PTPRD: variants seen among roughly 807,000 people sequenced by gnomAD.
PTPRD encodes receptor-type tyrosine-protein phosphatase delta.
Under a neutral mutation model 214.5 loss-of-function variants are expected in PTPRD, and 34 were observed. The ratio of observed to expected loss-of-function variants is 0.16; its 90% CI spans 0.12 to 0.21. The LOEUF (loss-of-function observed/expected upper bound fraction) is 0.21. Among genes scored for constraint, PTPRD ranks in the 10% least tolerant of loss-of-function variants. PTPRD has a pLI of 1.00. For missense variants in PTPRD, 2,545 were observed against 2,398.7 expected (o/e 1.06, Z -1.27); for synonymous variants, 1,128 against 845.7 (o/e 1.33, Z -5.79).
chr9:8,338,048 AG>A (rs1848687398), intron 43 of PTPRD, among the ~76,000 whole-genome samples: 1 of 152,088 alleles, frequency 6.6e-6, no homozygotes, highest in African/African-American at 2.4e-5. Flanking sequence ...GTCAACAGCC[AG>A]GGCCAGGCTT....
In PTPRD at chr9:8,417,497, T is replaced by A. The variant is rs2094027384; in HGVS notation, c.4087-12837A>T. ...CTACACTAACAGTTTTAATGACTATTCTAATGGTTTAATGGATAGCACTTT... is the reference window on the plus strand; with the variant it reads ...CTACACTAACAGTTTTAATGACTATACTAATGGTTTAATGGATAGCACTTT... On this transcript the variant is annotated intron_variant, in intron 35 of 45. Transcript: ENST00000381196. 2.6e-5 allele frequency among the ~76,000 whole-genome samples: 4 copies of A among 152,212 alleles called. No homozygotes were observed. In the South Asian group the frequency reaches 8.3e-4, roughly 32 times the overall value.
chr9:8,353,964 GTTTT>G (rs35377231), intron 39 of PTPRD, among the ~76,000 whole-genome samples: 1 of 28,244 alleles, frequency 3.5e-5, no homozygotes, highest in Non-Finnish European at 1.1e-4. Context: ...ATATATATAT[GTTTT>G]TTTTTTTTTG....
At chr9:9,583,290 T>G (rs182624763) in intron 7 of PTPRD, among the ~76,000 whole-genome samples, 1 of 152,166 alleles carries the variant, frequency 6.6e-6, no homozygotes, top group East Asian at 1.9e-4. Flanking sequence ...TGAAAATTTA[T>G]ACATCCTTAT....
intron 3 of PTPRD, among the ~76,000 whole-genome samples, chr9:10,103,251 C>T (rs1472927123): frequency 6.6e-6 from 1 of 150,978 alleles, no homozygotes; most frequent in African/African-American, 2.4e-5. Context: ...TTAAGTAAAT[C>T]TGGAGTTCCC....
intron 5 of PTPRD, among the ~76,000 whole-genome samples, chr9:9,770,196 A>T (rs2098740888): frequency 6.6e-6 from 1 of 152,200 alleles, no homozygotes; most frequent in Admixed American, 6.5e-5. Context: ...TGTCTTCCAC[A>T]ATGGTTGAAC....
At chr9:9,880,832 G>C (rs2068442163) in intron 5 of PTPRD, among the ~76,000 whole-genome samples, 2 of 152,080 alleles carry the variant, frequency 1.3e-5, no homozygotes, top group Non-Finnish European at 2.9e-5. Context: ...ATGCTGCTTT[G>C]ACCTTTGCTG....
intron 11 of PTPRD, among the ~76,000 whole-genome samples, chr9:8,890,959 A>T (rs78706842): frequency 0.02 from 2,974 of 152,170 alleles, 95 homozygotes; most frequent in African/African-American, 0.068. Context: ...GCCTTTTAGG[A>T]TTACTGATGA....
intron 3 of PTPRD, among the ~76,000 whole-genome samples, chr9:10,305,383 C>CA (rs532681794): frequency 0.07 from 5,260 of 75,670 alleles, 180 homozygotes; most frequent in Non-Finnish European, 0.095. Flanking sequence ...AAAGCAATGG[C>CA]AAAAAAAAAA....
intron 14 of PTPRD, among the ~76,000 whole-genome samples, chr9:8,555,360 C>T (rs568144537): frequency 6.6e-6 from 1 of 152,276 alleles, no homozygotes; most frequent in East Asian, 1.9e-4. Context: ...TAAGCTGTGA[C>T]TGCGCCACTG....
chr9:10,282,697 A>G (rs1190968807), intron 3 of PTPRD, among the ~76,000 whole-genome samples: 1 of 151,540 alleles, frequency 6.6e-6, no homozygotes, highest in African/African-American at 2.4e-5. Context: ...TTAAAGAAGT[A>G]CAGCTTTCAC....
At chr9:8,391,405 C>T (rs2089504733) in intron 36 of PTPRD, among the ~76,000 whole-genome samples, 1 of 152,142 alleles carries the variant, frequency 6.6e-6, no homozygotes, top group Non-Finnish European at 1.5e-5. Flanking sequence ...ATTACAGCTA[C>T]TCAAGAAGCA....
chr9:8,690,107 TAAA>T (rs74902579), intron 12 of PTPRD, among the ~76,000 whole-genome samples: 10 of 131,130 alleles, frequency 7.6e-5, no homozygotes, highest in South Asian at 4.8e-4. Flanking sequence ...GACTCCATCT[TAAA>T]AAAAAAAAAA....
chr9:8,387,119 T>A (rs1293621723), intron 37 of PTPRD, among the ~76,000 whole-genome samples: 1 of 152,164 alleles, frequency 6.6e-6, no homozygotes, highest in Non-Finnish European at 1.5e-5. Flanking sequence ...AGCATTTTAA[T>A]TGGCTTCCTT....
chr9:10,255,976 G>T (rs1001239867), intron 3 of PTPRD, among the ~76,000 whole-genome samples: 1 of 152,188 alleles, frequency 6.6e-6, no homozygotes. Context: ...CAGCAGGTGA[G>T]CGAGCACTAC....
chr9:9,342,292 G>A (rs939822659), intron 9 of PTPRD, among the ~76,000 whole-genome samples: 1 of 152,038 alleles, frequency 6.6e-6, no homozygotes, highest in Non-Finnish European at 1.5e-5. Context: ...ATTTCCCTGG[G>A]TCCCTGACTA....
intron 11 of PTPRD, among the ~76,000 whole-genome samples, chr9:8,769,950 T>C (rs1402287921): frequency 6.6e-6 from 1 of 152,092 alleles, no homozygotes; most frequent in Admixed American, 6.5e-5. Context: ...CTGCCAAATA[T>C]TACAGTGCTA....
chr9:8,610,232 T>A (rs1452561892), intron 14 of PTPRD, among the ~76,000 whole-genome samples: 5 of 152,190 alleles, frequency 3.3e-5, no homozygotes, highest in Non-Finnish European at 5.9e-5. Context: ...AGATAATACT[T>A]CACAGGATTG....
chr9:9,301,488 G>A (rs1032127885), intron 9 of PTPRD, among the ~76,000 whole-genome samples: 17 of 145,308 alleles, frequency 1.2e-4, no homozygotes, highest in Non-Finnish European at 2.0e-4. Flanking sequence ...GATACATTTC[G>A]TTACCTTGGG....
At chr9:9,810,453 T>C (rs1369897047) in intron 5 of PTPRD, among the ~76,000 whole-genome samples, 11 of 152,048 alleles carry the variant, frequency 7.2e-5, no homozygotes, top group South Asian at 6.2e-4. Flanking sequence ...CCAATGCTGA[T>C]TTACCATACT....
Sources: allele counts gnomAD v4.1 joint callset (sites outside exome capture counted in the v4.1 genomes callset), GRCh38; gene constraint gnomAD v4.1.1; transcripts MANE v1.5; gene names NCBI Gene and HGNC (gene_info 2026-07-23, HGNC 2026-07-21).